RBFOX1: variants seen among roughly 807,000 people sequenced by gnomAD.
RBFOX1 encodes the protein RNA binding protein fox-1 homolog 1.
In RBFOX1, 8 loss-of-function variants were observed where a neutral mutation model predicts 57.7. That is an observed-to-expected ratio of 0.14 (90% CI 0.08 to 0.25). The LOEUF (loss-of-function observed/expected upper bound fraction) is 0.25. Among genes scored for constraint, RBFOX1 ranks in the 10% least tolerant of loss-of-function variants. The pLI, the probability that RBFOX1 is intolerant of heterozygous loss-of-function variation, is 1.00. For synonymous variants in RBFOX1, 326 were observed against 222.4 expected (o/e 1.47, Z -4.15); for missense variants, 611 against 548.5 (o/e 1.11, Z -1.14).
intron 2 of RBFOX1, among the ~76,000 whole-genome samples, chr16:6,381,797 C>A (rs1452880607): frequency 6.6e-6 from 1 of 152,178 alleles, no homozygotes; most frequent in Non-Finnish European, 1.5e-5. Flanking sequence ...CCTCGGGATT[C>A]CAGCAAGTGG....
At chr16:6,446,367 T>C (rs1371612708) in intron 2 of RBFOX1, among the ~76,000 whole-genome samples, 5 of 152,190 alleles carry the variant, frequency 3.3e-5, no homozygotes, top group Non-Finnish European at 5.9e-5. Context: ...AGATTCCCAT[T>C]GCATCTTCAA....
chr16:7,354,897 A>G (rs1367538254), intron 4 of RBFOX1, among the ~76,000 whole-genome samples: 1 of 152,200 alleles, frequency 6.6e-6, no homozygotes, highest in Non-Finnish European at 1.5e-5. Flanking sequence ...CTAAAAGATT[A>G]AATTAATTGT....
At chr16:7,468,546 A>G (rs535647925) in intron 4 of RBFOX1, among the ~76,000 whole-genome samples, 2 of 150,744 alleles carry the variant, frequency 1.3e-5, no homozygotes, top group Middle Eastern at 3.5e-3. Context: ...ATTAACACTG[A>G]TACACATGGA....
intron 3 of RBFOX1, among the ~76,000 whole-genome samples, chr16:6,961,390 T>A (rs1011354220): frequency 2.6e-5 from 4 of 152,190 alleles, no homozygotes; most frequent in African/African-American, 9.6e-5. Flanking sequence ...AGCGCTGCTA[T>A]AGCAAATAGC....
At chr16:5,600,726 A>G (rs1439661518), downstream of RBFOX1, among the ~76,000 whole-genome samples, 2 of 152,104 alleles carry the variant, frequency 1.3e-5, no homozygotes, top group African/African-American at 4.8e-5. Flanking sequence ...AACCTCATTA[A>G]TGGATCATCT....
intron 1 of RBFOX1, among the ~76,000 whole-genome samples, chr16:6,213,727 C>G (rs1412090806): frequency 6.6e-6 from 1 of 152,148 alleles, no homozygotes; most frequent in Non-Finnish European, 1.5e-5. Context: ...GAGAACCACC[C>G]CAACTTGTAT....
intron 3 of RBFOX1, among the ~76,000 whole-genome samples, chr16:6,875,721 A>G (rs944192110): frequency 2.0e-5 from 3 of 152,168 alleles, no homozygotes; most frequent in Admixed American, 6.5e-5. Flanking sequence ...AATCAGCGCC[A>G]CATCTGGGCA....
chr16:5,967,808 G>A (rs1003954816), intron 4 of RBFOX1, among the ~76,000 whole-genome samples: 1 of 152,084 alleles, frequency 6.6e-6, no homozygotes, highest in Non-Finnish European at 1.5e-5. Context: ...CTCAGACTAC[G>A]TCAGTTTTTA....
chr16:7,310,834 G>T (rs868214742), intron 4 of RBFOX1, among the ~76,000 whole-genome samples: 56 of 152,174 alleles, frequency 3.7e-4, no homozygotes, highest in African/African-American at 1.3e-3. Flanking sequence ...TGGAACTCCA[G>T]CTGCCCTTCT....
intron 15 of RBFOX1, chr16:7,710,222 TCAA>T: frequency 9.6e-7 from 1 of 1,044,118 alleles, no homozygotes; most frequent in Non-Finnish European, 1.1e-6. Flanking sequence ...AATTCTGCAT[TCAA>T]CAACTCTGCT....
At chr16:5,390,542 G>T (rs902597129) in intron 1 of RBFOX1, among the ~76,000 whole-genome samples, 1 of 152,122 alleles carries the variant, frequency 6.6e-6, no homozygotes, top group African/African-American at 2.4e-5. Flanking sequence ...ACCTGCCTCG[G>T]CCTCCCAAAG....
chr16:6,074,150 A>G (rs892542441), intron 1 of RBFOX1, among the ~76,000 whole-genome samples: 1 of 151,936 alleles, frequency 6.6e-6, no homozygotes. Context: ...GGATTTCACC[A>G]TGTTAGCCAT....
At chr16:6,661,193 G>A (rs1568099927) in intron 3 of RBFOX1, among the ~76,000 whole-genome samples, 1 of 152,146 alleles carries the variant, frequency 6.6e-6, no homozygotes, top group Non-Finnish European at 1.5e-5. Flanking sequence ...CAATCCAAAT[G>A]AAGCACACAT....
intron 1 of RBFOX1, among the ~76,000 whole-genome samples, chr16:5,323,374 C>G (rs940628954): frequency 3.9e-5 from 6 of 152,322 alleles, no homozygotes; most frequent in Non-Finnish European, 7.3e-5. Context: ...GAATTGATTT[C>G]ATGACCCATG....
chr16:6,985,008 C>A (rs374296925), intron 3 of RBFOX1, among the ~76,000 whole-genome samples: 1 of 150,124 alleles, frequency 6.7e-6, no homozygotes, highest in Non-Finnish European at 1.5e-5. Flanking sequence ...TTGAAAAACC[C>A]AGGGGGAAAT....
chr16:5,303,422 C>G (rs1353291940), intron 1 of RBFOX1, among the ~76,000 whole-genome samples: 2 of 152,190 alleles, frequency 1.3e-5, no homozygotes. Context: ...AGCTGTGTCT[C>G]TCTCTAGGGG....
chr16:6,139,571 A>G (rs2096697364), intron 1 of RBFOX1, among the ~76,000 whole-genome samples: 1 of 152,200 alleles, frequency 6.6e-6, no homozygotes, highest in Non-Finnish European at 1.5e-5. Flanking sequence ...TGTTTGAAAC[A>G]AAAAAACACA....
intron 3 of RBFOX1, among the ~76,000 whole-genome samples, chr16:6,904,941 G>A (rs2069451544): frequency 6.6e-6 from 1 of 152,126 alleles, no homozygotes; most frequent in Admixed American, 6.5e-5. Context: ...AATTTGCTGG[G>A]TAAACAAAAG....
At chr16:6,388,255 C>G (rs114736612) in intron 2 of RBFOX1, among the ~76,000 whole-genome samples, 2 of 152,010 alleles carry the variant, frequency 1.3e-5, no homozygotes, top group Admixed American at 1.3e-4. Flanking sequence ...TGTGAGCCAC[C>G]GTGCTTGGTC....
Sources: gnomAD v4.1 joint callset for allele counts (sites outside exome capture counted in the v4.1 genomes callset) on GRCh38, gnomAD v4.1.1 for gene constraint, MANE v1.5 for transcripts, NCBI Gene and HGNC (gene_info 2026-07-23, HGNC 2026-07-21) for gene names.